The following CSTF3 variants were observed in gnomAD, a reference collection of about 807,000 sequenced individuals.
CSTF3 encodes CF-1 77 kDa subunit.
A neutral mutation model predicts 105.8 loss-of-function variants in CSTF3; 29 were observed. The ratio of observed to expected loss-of-function variants is 0.27; its 90% CI spans 0.20 to 0.37. The LOEUF (loss-of-function observed/expected upper bound fraction) is 0.37. CSTF3 is among the 10% of genes least tolerant of loss of function. The pLI is 1.00. For missense variants in CSTF3, 357 were observed against 879.3 expected (o/e 0.41, Z 7.51); for synonymous variants, 252 against 281.9 (o/e 0.89, Z 1.06).
intron 13 of CSTF3, among the ~76,000 whole-genome samples, chr11:33,097,644 G>C (rs1855238080): frequency 6.6e-6 from 1 of 152,188 alleles, no homozygotes; most frequent in Admixed American, 6.5e-5. Flanking sequence ...TGGGATTACA[G>C]GTGTGAGCTA....
rs200350025 is a variant in CSTF3 at position 33,098,719 on chromosome 11, G to A, written c.1099C>T (p.Leu367=). The A allele has an allele frequency of 1.9e-6, 3 of 1,576,804 alleles. No homozygotes were observed. The highest frequency in any genetic ancestry group is 1.9e-5 in the Admixed American group (1 of 51,882). ...GTAGGGTCAATATCCTCAATTGCCA[G>A]AAGTCTGTTATATATACTGTGAACC... ...EKVHSIYNRL[L]AIEDIDPTLV... The change falls in exon 13 of 21, where the codon CTG becomes TTG. Residue 367 remains leucine (L), a synonymous_variant. Transcript: ENST00000323959.
intron 3 of CSTF3, 64 bp from the exon 4 acceptor site, chr11:33,108,482 G>T: frequency 2.3e-6 from 3 of 1,282,758 alleles, no homozygotes; most frequent in South Asian, 3.9e-5. Flanking sequence ...CTGAATTTTT[G>T]ACCAATTTTT....
chr11:33,092,363 A>AT lies in CSTF3; in HGVS notation c.1376-24_1376-23insA, dbSNP rs764375258. ...CCTCTAGGATATTGAAAAAGATTTT[A>AT]ATTTTTTTAATTCACTTTTACGATG... is the stretch of plus-strand genomic sequence containing the variant. On this transcript the variant is annotated intron_variant, in intron 15 of 20. Coordinates refer to ENST00000323959, the MANE Select transcript of CSTF3 (RefSeq NM_001326.3). 4 of 1,429,514 alleles carry AT rather than the reference A, an allele frequency of 2.8e-6. No individual in the cohort carries two copies. The South Asian group carries it at 5.2e-5, about 19-fold the overall frequency. 88.6% of individuals were successfully genotyped at this position (1,429,514 alleles called of 1,614,324 possible).
At chr11:33,160,278 T>C (rs916783672) in intron 1 of CSTF3, among the ~76,000 whole-genome samples, 3 of 152,106 alleles carry the variant, frequency 2.0e-5, no homozygotes, top group Admixed American at 2.0e-4. Context: ...AAATCTACAG[T>C]CTTACAGACT....
intron 20 of CSTF3, 109 bp from the exon 21 acceptor site, chr11:33,085,398 G>A: frequency 1.1e-6 from 1 of 883,700 alleles, no homozygotes; most frequent in Non-Finnish European, 1.7e-6. Flanking sequence ...CAAAACATGG[G>A]ATAGTACTAC....
chr11:33,136,189 T>G (rs1027833805), intron 3 of CSTF3: 3 of 152,368 alleles, frequency 2.0e-5, no homozygotes, highest in Non-Finnish European at 2.9e-5. Flanking sequence ...TATTCACAAT[T>G]TTTTTTTCAA....
At chr11:33,091,237 A>G (rs183388346) in intron 16 of CSTF3, among the ~76,000 whole-genome samples, 58 of 152,202 alleles carry the variant, frequency 3.8e-4, no homozygotes, top group African/African-American at 1.4e-3. Context: ...TGATTACGCT[A>G]TTGTTTCCCA....
At chr11:33,088,185 AG>A (rs1328012624) in intron 17 of CSTF3, among the ~76,000 whole-genome samples, 1 of 151,498 alleles carries the variant, frequency 6.6e-6, no homozygotes, top group Admixed American at 6.5e-5. Context: ...CGTTAAACAC[AG>A]AAGCACATTA....
chr11:33,107,333 A>G (rs200366026), intron 5 of CSTF3, among the ~76,000 whole-genome samples: 1 of 152,188 alleles, frequency 6.6e-6, no homozygotes, highest in East Asian at 1.9e-4. Flanking sequence ...CACAAAAATC[A>G]TAACAAAAAG....
In CSTF3 at chr11:33,161,413, A is replaced by T; in HGVS notation, c.-88T>A. ...ACTAAAAACCACCCCCAAATCAGTA[A>T]AGTTACCCCCTGCCCAGCTGAGCCA... On this transcript the variant is annotated 5_prime_UTR_variant, in exon 1 of 21. Coordinates refer to ENST00000323959, the MANE Select transcript of CSTF3 (RefSeq NM_001326.3). 3 of 1,445,862 alleles carry T rather than the reference A, an allele frequency of 2.1e-6. No individual in the cohort carries two copies. The highest frequency in any genetic ancestry group is 2.9e-6 in the Non-Finnish European group (3 of 1,040,058). The allele number at this position is 1,445,862 out of a possible 1,614,324, so 89.6% of individuals were successfully genotyped here. A position where few individuals can be genotyped will look rare whatever the true frequency, so the allele number is the denominator to read the frequency against.
Position 33,085,988 on chromosome 11 carries a change from A to T in CSTF3, c.1797T>A (p.Pro599=). Reference sequence around the variant, plus strand: ...CACCAGGTACAGGGTGTAAACCTGGAGCTGTGAGAAAAAGAAAAGTATGAA... The same window carrying T: ...CACCAGGTACAGGGTGTAAACCTGGTGCTGTGAGAAAAAGAAAAGTATGAA... The part of the protein sequence containing the change: ...MIPFQPRHLA[P]PGLHPVPGGV... Residue 599 remains proline (P), a splice_region_variant and synonymous_variant, in exon 19 of 21, where the codon CCT becomes CCA. Transcript: ENST00000323959. 6.8e-7 allele frequency: 1 copy of T among 1,478,428 alleles called. No individual in the cohort carries two copies. The highest frequency in any genetic ancestry group is 2.3e-5 in the East Asian group (1 of 42,562). The allele number at this position is 1,478,428 out of a possible 1,614,324, so 91.6% of individuals were successfully genotyped here.
chr11:33,092,362 T>TC (rs1565002042), intron 15 of CSTF3, 22 bp from the exon 16 acceptor site: 1 of 1,403,920 alleles, frequency 7.1e-7, no homozygotes, highest in Non-Finnish European at 9.6e-7. Context: ...AAAAAGATTT[T>TC]AATTTTTTTA....
Position 33,099,513 on chromosome 11 carries a change from G to T in CSTF3, c.936+95C>A. ...GTAAACTTAAATTTTCAATACTTAT[G>T]CTTTATTACCAAAATTCAGTTATAT... is the stretch of plus-strand genomic sequence containing the variant. On this transcript the variant is annotated intron_variant, in intron 11 of 20. Coordinates refer to ENST00000323959, the MANE Select transcript of CSTF3 (RefSeq NM_001326.3). This position sits in a 1 kb window ranked among gnomAD's most constrained non-coding sequence, Gnocchi z 4.1. 1.2e-6 allele frequency: 1 copy of T among 838,808 alleles called. No individual in the cohort carries two copies. Among genetic ancestry groups the T allele is most frequent in the Non-Finnish European group, 1.9e-6 (1 of 531,092 alleles). 52.0% of individuals were successfully genotyped at this position (838,808 alleles called of 1,614,324 possible).
At chr11:33,110,325 G>A (rs1855367312) in intron 3 of CSTF3, among the ~76,000 whole-genome samples, 1 of 152,158 alleles carries the variant, frequency 6.6e-6, no homozygotes, top group African/African-American at 2.4e-5. Context: ...AGAGTAGGGA[G>A]GACTCAGCCA....
In CSTF3 at chr11:33,090,743, T is replaced by G; in HGVS notation, c.1446-16A>C. 1 of 1,488,568 alleles carries G rather than the reference T, an allele frequency of 6.7e-7. No homozygotes were observed. Among genetic ancestry groups the G allele is most frequent in the South Asian group, 1.4e-5 (1 of 70,288 alleles). The allele number at this position is 1,488,568 out of a possible 1,614,324, so 92.2% of individuals were successfully genotyped here. ...CCAGATTTCTCTGCAAGAAAAGAAA[T>G]ACAATCAATACTTTAATTATTCTGG... On this transcript the variant is annotated splice_polypyrimidine_tract_variant and intron_variant, in intron 16 of 20. Transcript: ENST00000323959.
chr11:33,119,230 T>C (rs1328966652), intron 3 of CSTF3, among the ~76,000 whole-genome samples: 1 of 151,880 alleles, frequency 6.6e-6, no homozygotes, highest in Non-Finnish European at 1.5e-5. Context: ...TTTCCTCTAC[T>C]TGAGATATTC....
At chr11:33,118,917 A>T (rs1855460262) in intron 3 of CSTF3, among the ~76,000 whole-genome samples, 1 of 151,892 alleles carries the variant, frequency 6.6e-6, no homozygotes, top group South Asian at 2.1e-4. Flanking sequence ...TCTTAATAAA[A>T]GTCCTTCCAG....
At chr11:33,118,262 T>C (rs894742496) in intron 3 of CSTF3, among the ~76,000 whole-genome samples, 22 of 151,890 alleles carry the variant, frequency 1.4e-4, no homozygotes, top group African/African-American at 5.3e-4. Flanking sequence ...AAATAAATGC[T>C]AGATAAATTA....
At chr11:33,107,856 G>T in intron 5 of CSTF3, 47 bp downstream of exon 5, 5 of 1,103,862 alleles carry the variant, frequency 4.5e-6, no homozygotes, top group East Asian at 2.5e-5. Context: ...GGGATTAACT[G>T]TGTGCCTGGA....
Sources: allele counts gnomAD v4.1 joint callset (sites outside exome capture counted in the v4.1 genomes callset), GRCh38; gene constraint gnomAD v4.1.1; non-coding constraint Gnocchi (gnomAD v3.1); transcripts MANE v1.5; gene names NCBI Gene and HGNC (gene_info 2026-07-23, HGNC 2026-07-21).